Variants in TTC34 observed in about 807,000 individuals in gnomAD.
TTC34 encodes tetratricopeptide repeat domain 34, also known as tetratricopeptide repeat protein 34.
A neutral mutation model predicts 40.7 loss-of-function variants in TTC34; 44 were observed. That is an observed-to-expected ratio of 1.08 (90% confidence interval 0.85 to 1.39). TTC34 has a LOEUF of 1.39. TTC34 is among the 40% of genes most tolerant of loss of function. The pLI is 0.00. For missense variants in TTC34, 884 were observed against 838.0 expected (o/e 1.05, Z -0.68); for synonymous variants, 422 against 398.6 (o/e 1.06, Z -0.70).
intron 6 of TTC34, among the ~76,000 whole-genome samples, chr1:2,691,762 A>C (rs1228672673): frequency 1.4e-5 from 1 of 71,124 alleles, no homozygotes; most frequent in African/African-American, 4.8e-5. Flanking sequence ...AAGCATCTGA[A>C]CGCAAATAGC....
chr1:2,782,366 T>C (rs1271181330), intron 6 of TTC34, among the ~76,000 whole-genome samples: 1 of 152,222 alleles, frequency 6.6e-6, no homozygotes, highest in Non-Finnish European at 1.5e-5. Flanking sequence ...TTTCTGATTG[T>C]CATGATTTGA....
At chr1:2,755,698 CCAAA>C (rs1641480539) in intron 6 of TTC34, among the ~76,000 whole-genome samples, 1 of 110,514 alleles carries the variant, frequency 9.0e-6, no homozygotes. Context: ...GAGCAGCACC[CCAAA>C]CCCACAGGTG....
At chr1:2,681,122 C>T (rs1318511356) in intron 6 of TTC34, among the ~76,000 whole-genome samples, 2 of 98,538 alleles carry the variant, frequency 2.0e-5, no homozygotes, top group Non-Finnish European at 4.5e-5. Context: ...GAGCATCTGA[C>T]AGCGTGGAGC....
intron 6 of TTC34, among the ~76,000 whole-genome samples, chr1:2,683,967 T>C (rs1640202384): frequency 7.9e-6 from 1 of 126,050 alleles, no homozygotes. Context: ...CAGTTGAGCA[T>C]CTGACAGCCT....
chr1:2,795,612 T>C (rs1037214479), intron 2 of TTC34, among the ~76,000 whole-genome samples: 1 of 152,238 alleles, frequency 6.6e-6, no homozygotes, highest in Non-Finnish European at 1.5e-5. Flanking sequence ...CACAAGGCCA[T>C]GCCAGATTCT....
intron 6 of TTC34, among the ~76,000 whole-genome samples, chr1:2,695,697 C>G (rs1446686013): frequency 7.3e-6 from 1 of 137,904 alleles, no homozygotes; most frequent in South Asian, 2.3e-4. Context: ...CATCTGACAG[C>G]CTGGAACAGC....
At chr1:2,769,911 AC>A (rs1642018137) in intron 6 of TTC34, among the ~76,000 whole-genome samples, 1 of 17,842 alleles carries the variant, frequency 5.6e-5, no homozygotes, top group Admixed American at 6.5e-4. Context: ...CTGCACCCAT[AC>A]CCCCAGGTGA....
chr1:2,751,447 C>A (rs1364162910), intron 6 of TTC34, among the ~76,000 whole-genome samples: 447 of 18,196 alleles, frequency 0.025, 2 homozygotes, highest in South Asian at 0.047. Context: ...GAGCCCAGAC[C>A]CCCAGGTGAG....
At chr1:2,655,612 A>G (rs1639316633) in intron 6 of TTC34, among the ~76,000 whole-genome samples, 1 of 148,300 alleles carries the variant, frequency 6.7e-6, no homozygotes, top group Admixed American at 6.7e-5. Context: ...AGCACGCTGC[A>G]CCCCCAAGTG....
intron 6 of TTC34, among the ~76,000 whole-genome samples, chr1:2,687,927 G>A (rs1182052931): frequency 1.8e-4 from 17 of 94,680 alleles, no homozygotes; most frequent in Non-Finnish European, 2.8e-4. Flanking sequence ...GCACCCACAC[G>A]CCCAGGTGAG....
chr1:2,688,401 C>T (rs1261669638), intron 6 of TTC34, among the ~76,000 whole-genome samples: 4 of 151,540 alleles, frequency 2.6e-5, no homozygotes, highest in East Asian at 1.9e-4. Flanking sequence ...CCTGGAACAG[C>T]ACCCACACCC....
chr1:2,643,856 G>A (rs1638964242), intron 8 of TTC34, among the ~76,000 whole-genome samples: 1 of 152,206 alleles, frequency 6.6e-6, no homozygotes, highest in Non-Finnish European at 1.5e-5. Flanking sequence ...TCTGCCTCTG[G>A]GACCCCAAAG....
chr1:2,780,197 A>C (rs946582159), intron 6 of TTC34, among the ~76,000 whole-genome samples: 2 of 152,194 alleles, frequency 1.3e-5, no homozygotes, highest in African/African-American at 4.8e-5. Flanking sequence ...TCCTTATCAG[A>C]TATGTGACTT....
chr1:2,644,871 A>G (rs1638987059), intron 7 of TTC34, among the ~76,000 whole-genome samples: 1 of 152,132 alleles, frequency 6.6e-6, no homozygotes. Context: ...AGTGGTTTCC[A>G]CATCACCAGG....
Position 2,749,403 on chromosome 1 carries a change from C to G in TTC34, c.2226+34206G>C, listed in dbSNP as rs1195644161. On this transcript the variant is annotated intron_variant, in intron 6 of 8. Coordinates refer to ENST00000401095, the Ensembl canonical transcript of TTC34. ...TGACAGCCTGGAACAGCACCCTGCA[C>G]CCCCAGGTGCGCACGTGACAGCCTG... is the stretch of plus-strand genomic sequence containing the variant. Among the ~76,000 whole-genome samples, 47 of 93,914 alleles carry G rather than the reference C, an allele frequency of 5.0e-4. 1 individual carries two copies. Among genetic ancestry groups the G allele is most frequent in the African/African-American group, 7.1e-4 (13 of 18,182 alleles). The allele number at this position is 93,914 out of a possible 152,430, so 61.6% of individuals were successfully genotyped here.
chr1:2,649,083 A>T (rs1188240309), intron 6 of TTC34, among the ~76,000 whole-genome samples: 1 of 149,276 alleles, frequency 6.7e-6, no homozygotes, highest in African/African-American at 2.5e-5. Flanking sequence ...GGCACCTTCC[A>T]CCCCCAGGTG....
rs1211398992 is a variant in TTC34, at chr1:2,695,996, C to A, written c.2227-50433G>T. Among the ~76,000 whole-genome samples the A allele has an allele frequency of 2.1e-5, 3 of 140,842 alleles. 1 individual carries two copies. Among genetic ancestry groups the A allele is most frequent in the African/African-American group, 7.8e-5 (3 of 38,226 alleles). The allele number at this position is 140,842 out of a possible 152,430, so 92.4% of individuals were successfully genotyped here. On this transcript the variant is annotated intron_variant, in intron 6 of 8. Transcript: ENST00000401095. ...TGATAGCCTGGAACAGAACCCACAC[C>A]CCCAGGTGAGCATCTGACAGACTGG...
rs1240015809 is a variant in TTC34 at position 2,759,781 on chromosome 1, C to A, written c.2226+23828G>T. Reference sequence around the variant, plus strand: ...ACACCCACAGGTGAGCATCTCACAGCCTGCAACAGTACCCACACTCCCAGG... The same window carrying A: ...ACACCCACAGGTGAGCATCTCACAGACTGCAACAGTACCCACACTCCCAGG... On this transcript the variant is annotated intron_variant, in intron 6 of 8. Transcript: ENST00000401095. 2.2e-5 allele frequency among the ~76,000 whole-genome samples: 3 copies of A among 133,994 alleles called. 1 individual carries two copies. The highest frequency in any genetic ancestry group is 3.2e-5 in the Non-Finnish European group (2 of 62,766). The allele number at this position is 133,994 out of a possible 152,430, so 87.9% of individuals were successfully genotyped here.
intron 8 of TTC34, among the ~76,000 whole-genome samples, chr1:2,642,276 C>T (rs1318101030): frequency 6.6e-6 from 1 of 152,194 alleles, no homozygotes; most frequent in Non-Finnish European, 1.5e-5. Context: ...CGGCTGGGCC[C>T]AGGTTCCCTT....
Sources: allele counts gnomAD v4.1 joint callset (sites outside exome capture counted in the v4.1 genomes callset), GRCh38; gene constraint gnomAD v4.1.1; transcripts MANE v1.5; gene names NCBI Gene and HGNC (gene_info 2026-07-23, HGNC 2026-07-21).